Variants in RPS20 observed in about 807,000 individuals in gnomAD.
RPS20 encodes the protein ribosomal protein S20, also known as small ribosomal subunit protein uS10.
Under a neutral mutation model 15.3 loss-of-function variants are expected in RPS20, and 3 were observed. That is an observed-to-expected ratio of 0.20 (90% confidence interval 0.09 to 0.51). RPS20 has a LOEUF of 0.51. Ranked by LOEUF, RPS20 falls within the 20% of genes least tolerant of loss-of-function variation. The pLI is 0.96. For synonymous variants in RPS20, 62 were observed against 47.8 expected (o/e 1.30, Z -1.23); for missense variants, 67 against 145.9 (o/e 0.46, Z 2.79).
rs768194999 is a variant in RPS20, at chr8:56,073,868, G to A, written c.104-100C>T. ...CAGAATAGCGTATAAAATTATCACCGTTACTCAACACAATAGGTACCTCCT... is the reference window on the plus strand; with the variant it reads ...CAGAATAGCGTATAAAATTATCACCATTACTCAACACAATAGGTACCTCCT... On this transcript the variant is annotated intron_variant, in intron 2 of 3. Transcript: ENST00000009589. 9.2e-6 allele frequency: 11 copies of A among 1,190,018 alleles called. No individual in the cohort carries two copies. The South Asian group carries it at 9.7e-5, about 10-fold the overall frequency. The allele number at this position is 1,190,018 out of a possible 1,614,324, so 73.7% of individuals were successfully genotyped here.
At chr8:56,070,591 C>T (rs188429063), downstream of RPS20, among the ~76,000 whole-genome samples, 1 of 152,032 alleles carries the variant, frequency 6.6e-6, no homozygotes, top group Non-Finnish European at 1.5e-5. Context: ...CCAGGCCAAG[C>T]GTCAAGGTGT....
At chr8:56,069,804 C>T, downstream of RPS20, 1 of 1,545,680 alleles carries the variant, frequency 6.5e-7, no homozygotes, top group Non-Finnish European at 8.8e-7. Flanking sequence ...CCTCTGTATC[C>T]ATGGGTTCTG....
chr8:56,072,098 C>G (rs532491735), downstream of RPS20, among the ~76,000 whole-genome samples: 1 of 152,042 alleles, frequency 6.6e-6, no homozygotes, highest in African/African-American at 2.4e-5. Flanking sequence ...ATTAGCTGGG[C>G]ATGGTAGCCA....
intron 2 of RPS20, 101 bp downstream of exon 2, chr8:56,073,959 A>G: frequency 1.7e-6 from 2 of 1,175,226 alleles, no homozygotes; most frequent in Non-Finnish European, 1.3e-6. Context: ...GTAACTTGTC[A>G]CTTTAGTTCT....
At chr8:56,072,784 TAC>T, downstream of RPS20, 2 of 846,410 alleles carry the variant, frequency 2.4e-6, no homozygotes, top group South Asian at 1.1e-4. Context: ...GGGTGTGCAT[TAC>T]AAACGCCCCA....
Position 56,074,489 on chromosome 8 carries a change from C to A in RPS20, c.-106G>T. ...ACCAAAAATCCTCAGCCCTTACGAC[C>A]GCGTCTTCCTCAAAAAGAAAGGGGT... On this transcript the variant is annotated 5_prime_UTR_variant, in exon 1 of 4. Coordinates refer to ENST00000009589, the MANE Select transcript of RPS20 (RefSeq NM_001023.4). The A allele has an allele frequency of 2.4e-6, 3 of 1,267,016 alleles. No individual in the cohort carries two copies. Among genetic ancestry groups the A allele is most frequent in the South Asian group, 1.3e-5 (1 of 75,024 alleles). 78.5% of individuals were successfully genotyped at this position (1,267,016 alleles called of 1,614,324 possible).
chr8:56,070,687 C>T (rs796567315), downstream of RPS20, among the ~76,000 whole-genome samples: 2 of 149,928 alleles, frequency 1.3e-5, no homozygotes, highest in Admixed American at 6.7e-5. Flanking sequence ...CATGTTCGCA[C>T]GACTGCACTC....
At chr8:56,069,714 C>T, downstream of RPS20, 1 of 1,550,694 alleles carries the variant, frequency 6.4e-7, no homozygotes. Context: ...TGCTTGGTCA[C>T]TTTTTTGGCG....
At chr8:56,068,573 A>G (rs567976455), downstream of RPS20, 1 of 151,444 alleles carries the variant, frequency 6.6e-6, no homozygotes, top group African/African-American at 2.4e-5. Flanking sequence ...GTTATGAAAA[A>G]AAGGTAAGAC....
At chr8:56,071,448 C>A (rs1809752841), downstream of RPS20, among the ~76,000 whole-genome samples, 1 of 152,206 alleles carries the variant, frequency 6.6e-6, no homozygotes, top group Non-Finnish European at 1.5e-5. Flanking sequence ...AGCAATGTGG[C>A]ATAATTCATT....
chr8:56,068,369 C>A (rs956840685), downstream of RPS20: 1 of 152,068 alleles, frequency 6.6e-6, no homozygotes, highest in Non-Finnish European at 1.5e-5. Flanking sequence ...ATAACCCCAT[C>A]TCTACATAAA....
intron 2 of RPS20, 62 bp from the exon 3 acceptor site, chr8:56,073,830 A>G (rs1809842030): frequency 6.9e-7 from 1 of 1,440,980 alleles, no homozygotes; most frequent in African/African-American, 1.4e-5. Context: ...TAAGGCCTTC[A>G]CTTCTGCTGG....
downstream of RPS20, among the ~76,000 whole-genome samples, chr8:56,071,133 G>A (rs975342210): frequency 1.3e-5 from 2 of 152,152 alleles, no homozygotes; most frequent in East Asian, 3.8e-4. Flanking sequence ...TAACCATTGT[G>A]AAAAAACACA....
At position 56,073,515 on chromosome 8, in the gene RPS20, T is replaced by C. The variant is rs7841318; in HGVS notation, c.177+180A>G. On this transcript the variant is annotated intron_variant, in intron 3 of 3. Transcript: ENST00000009589. ...CACACCAAGAACACAGCAACAATAA[T>C]TCAACAATCATATCTAAACATTAGC... 0.011 allele frequency: 7,019 copies of C among 654,242 alleles called. 355 individuals carry two copies. The African/African-American group carries it at 0.11, about 10-fold the overall frequency. 40.5% of individuals were successfully genotyped at this position (654,242 alleles called of 1,614,324 possible).
downstream of RPS20, among the ~76,000 whole-genome samples, chr8:56,068,807 CTTTTTTTTTTTTTTTTTTTTTTTT>C (rs61576194): frequency 1.8e-4 from 5 of 27,688 alleles, no homozygotes; most frequent in Non-Finnish European, 2.8e-4. Context: ...GTGAAAATAT[CTTTTTTTTTTTTTTTTTTTTTTTT>C]TTTTTTTTTT....
downstream of RPS20, among the ~76,000 whole-genome samples, chr8:56,071,929 T>C (rs1031593106): frequency 1.4e-4 from 22 of 152,194 alleles, no homozygotes; most frequent in African/African-American, 4.6e-4. Flanking sequence ...TTAGCAAACC[T>C]GTAAGGGTAT....
At chr8:56,071,823 T>C (rs1809764202), downstream of RPS20, among the ~76,000 whole-genome samples, 2 of 152,228 alleles carry the variant, frequency 1.3e-5, no homozygotes, top group Admixed American at 6.5e-5. Context: ...ACTTTGATCC[T>C]ATTAAAAATT....
chr8:56,067,349 G>T (rs1809639068), exon 6 of RPS20: 1 of 152,066 alleles, frequency 6.6e-6, no homozygotes, highest in Non-Finnish European at 1.5e-5. Context: ...TTTAAAAAGT[G>T]GTATATATAC....
At chr8:56,069,079 G>A (rs1013896404), downstream of RPS20, among the ~76,000 whole-genome samples, 1 of 151,478 alleles carries the variant, frequency 6.6e-6, no homozygotes, top group African/African-American at 2.4e-5. Flanking sequence ...AGAAGGATAT[G>A]CACAATATGT....
Sources: gnomAD v4.1 joint callset for allele counts (sites outside exome capture counted in the v4.1 genomes callset) on GRCh38, gnomAD v4.1.1 for gene constraint, MANE v1.5 for transcripts, NCBI Gene and HGNC (gene_info 2026-07-23, HGNC 2026-07-21) for gene names.